CUX2: variants seen among roughly 807,000 people sequenced by gnomAD.
The protein encoded by CUX2 is cut like homeobox 2, also known as homeobox protein cut-like 2.
CUX2 carries 40 observed loss-of-function variants against 144.8 expected under a neutral mutation model. The observed-to-expected ratio is 0.28, with a 90% confidence interval of 0.21 to 0.36. The LOEUF (loss-of-function observed/expected upper bound fraction) is 0.36, where lower values mean the gene tolerates loss of function less well. Ranked by LOEUF, CUX2 falls within the 10% of genes least tolerant of loss-of-function variation. The pLI is 1.00. For missense variants in CUX2, 1,615 were observed against 1,994.0 expected, an observed-to-expected ratio of 0.81 and a Z score of 3.62; for synonymous variants, 827 against 875.6, an observed-to-expected ratio of 0.94 and a Z score of 0.98.
intron 1 of CUX2, among the ~76,000 whole-genome samples, chr12:111,187,520 C>A (rs1477759122): frequency 6.6e-6 from 1 of 152,164 alleles, no homozygotes; most frequent in African/African-American, 2.4e-5. Context: ...CATGTCCACA[C>A]CTAAACGCAT....
intron 18 of CUX2, among the ~76,000 whole-genome samples, chr12:111,332,613 A>C (rs780121201): frequency 7.0e-6 from 1 of 142,570 alleles, no homozygotes; most frequent in Non-Finnish European, 1.5e-5. Context: ...CCGTTTATTT[A>C]ACTTTTCGTT....
At chr12:111,083,334 G>T (rs914477040) in intron 1 of CUX2, among the ~76,000 whole-genome samples, 3 of 152,088 alleles carry the variant, frequency 2.0e-5, no homozygotes, top group African/African-American at 7.2e-5. Context: ...AAAGGCCAGG[G>T]ATCAGCAGGC....
intron 15 of CUX2, among the ~76,000 whole-genome samples, chr12:111,311,017 G>A (rs998175848): frequency 1.3e-5 from 2 of 152,216 alleles, no homozygotes; most frequent in Non-Finnish European, 2.9e-5. Context: ...TTGTAAGACC[G>A]CCAACCTTAC....
chr12:111,320,214 C>A lies in CUX2; in HGVS notation c.2205C>A (p.Thr735=). Residue 735 remains threonine (T), a synonymous_variant, in exon 17 of 22, where the codon ACC becomes ACA. Coordinates refer to ENST00000261726, the MANE Select transcript of CUX2 (RefSeq NM_015267.4). This position sits in a 1 kb window ranked among gnomAD's most constrained non-coding sequence, Gnocchi z 8.1. ...CCCCGGAGCGGCCATCACTGGCCAC[C>A]GCGAGCCAGAACGGGGCCCCGGCCT... ...PSPPERPSLA[T]ASQNGAPALV... 6.5e-7 allele frequency: 1 copy of A among 1,549,894 alleles called. No homozygotes were observed. Among genetic ancestry groups the A allele is most frequent in the Non-Finnish European group, 8.7e-7 (1 of 1,155,776 alleles).
At chr12:111,143,188 A>AGG (rs1448409421) in intron 1 of CUX2, among the ~76,000 whole-genome samples, 1 of 152,134 alleles carries the variant, frequency 6.6e-6, no homozygotes, top group South Asian at 2.1e-4. Context: ...AACCAGCAAC[A>AGG]GGGGGGCCAC....
chr12:111,038,088 C>T (rs542973389), intron 1 of CUX2, among the ~76,000 whole-genome samples: 9 of 152,216 alleles, frequency 5.9e-5, no homozygotes, highest in Non-Finnish European at 1.2e-4. Context: ...ACTCAATCTC[C>T]TGGCGCAGGA....
At chr12:111,144,327 G>A (rs1459744901) in intron 1 of CUX2, among the ~76,000 whole-genome samples, 1 of 152,138 alleles carries the variant, frequency 6.6e-6, no homozygotes, top group Non-Finnish European at 1.5e-5. Context: ...AGACACCCAC[G>A]CTGCCTTTTC....
intron 1 of CUX2, among the ~76,000 whole-genome samples, chr12:111,074,206 C>T (rs1592866570): frequency 6.6e-6 from 1 of 151,978 alleles, no homozygotes; most frequent in East Asian, 1.9e-4. Context: ...TGAATCTTTG[C>T]ATACAAACCA....
rs1291235661 is a variant in CUX2 at position 111,037,497 on chromosome 12, CT to C, written c.63+3260del. 6.6e-6 allele frequency among the ~76,000 whole-genome samples: 1 copy of C among 152,238 alleles called. No individual in the cohort carries two copies. Among genetic ancestry groups the C allele is most frequent in the Non-Finnish European group, 1.5e-5 (1 of 68,046 alleles). Reference sequence around the variant, plus strand: ...GGAAGTCAGTCAACAACCTTAATGACTTTGGGCCGATGGTAAAGGTGATCTG... The same window carrying C: ...GGAAGTCAGTCAACAACCTTAATGACTTGGGCCGATGGTAAAGGTGATCTG... On this transcript the variant is annotated intron_variant, in intron 1 of 21. Coordinates refer to ENST00000261726, the MANE Select transcript of CUX2 (RefSeq NM_015267.4). This position sits in a 1 kb window ranked among gnomAD's most constrained non-coding sequence, Gnocchi z 5.4.
intron 16 of CUX2, among the ~76,000 whole-genome samples, chr12:111,318,360 G>A (rs1887308817): frequency 6.7e-6 from 1 of 149,946 alleles, no homozygotes; most frequent in Admixed American, 6.7e-5. Context: ...AAAGTGCTGG[G>A]ATTATAAGCA....
chr12:111,250,041 C>T (rs1036165734), intron 3 of CUX2, among the ~76,000 whole-genome samples: 6 of 152,116 alleles, frequency 3.9e-5, no homozygotes, highest in African/African-American at 7.2e-5. Context: ...TCACATAGGA[C>T]GGTGTCACTG....
Position 111,334,792 on chromosome 12 carries a change from G to T in CUX2, c.3196+82G>T. ...GCCTTGAAAAGGTGTCTGGAGCTGG[G>T]ACCCAGTGGCTCATACCTGTAATTC... On this transcript the variant is annotated intron_variant, in intron 19 of 21. Coordinates refer to ENST00000261726, the MANE Select transcript of CUX2 (RefSeq NM_015267.4). 2.1e-6 allele frequency: 3 copies of T among 1,441,306 alleles called. 1 individual carries two copies. In the South Asian group the frequency reaches 4.1e-5, roughly 20 times the overall value. 89.3% of individuals were successfully genotyped at this position (1,441,306 alleles called of 1,614,324 possible).
At chr12:111,245,206 G>A (rs1883221565) in intron 3 of CUX2, among the ~76,000 whole-genome samples, 3 of 152,018 alleles carry the variant, frequency 2.0e-5, no homozygotes, top group Admixed American at 2.0e-4. Context: ...GGTATGGCAG[G>A]AGGTGAGAAG....
intron 1 of CUX2, among the ~76,000 whole-genome samples, chr12:111,081,427 A>C (rs995907843): frequency 1.3e-5 from 2 of 152,252 alleles, no homozygotes; most frequent in East Asian, 3.9e-4. Flanking sequence ...CATGTGGTGT[A>C]GTTTCTGTAA....
Position 111,334,714 on chromosome 12 carries a change from C to G in CUX2, c.3196+4C>G. On this transcript the variant is annotated splice_donor_region_variant and intron_variant, in intron 19 of 21. Transcript: ENST00000261726. ...GTCCTCACAGACAACAATCTAGGTA[C>G]GGAGCGGGTGGGAATCGGAGAGGCT... 6.3e-7 allele frequency: 1 copy of G among 1,596,364 alleles called. No individual in the cohort carries two copies. Among genetic ancestry groups the G allele is most frequent in the Non-Finnish European group, 8.5e-7 (1 of 1,169,728 alleles).
intron 18 of CUX2, among the ~76,000 whole-genome samples, chr12:111,329,344 C>G (rs1887985433): frequency 6.6e-6 from 1 of 151,884 alleles, no homozygotes; most frequent in African/African-American, 2.4e-5. Context: ...TCCAAATAAC[C>G]CAGTTGTTCA....
At chr12:111,045,936 C>T (rs544302016) in intron 1 of CUX2, among the ~76,000 whole-genome samples, 8 of 152,300 alleles carry the variant, frequency 5.3e-5, no homozygotes, top group Admixed American at 1.3e-4. Flanking sequence ...TTATTGCCAT[C>T]GTTGTTTGTC....
At chr12:111,110,064 G>C (rs1439755863) in intron 1 of CUX2, among the ~76,000 whole-genome samples, 1 of 144,574 alleles carries the variant, frequency 6.9e-6, no homozygotes, top group Non-Finnish European at 1.5e-5. Flanking sequence ...TTTTTTTTAA[G>C]TAGAGACGAG....
chr12:111,250,596 T>G (rs1441772757), intron 3 of CUX2, among the ~76,000 whole-genome samples: 2 of 152,208 alleles, frequency 1.3e-5, no homozygotes, highest in Admixed American at 1.3e-4. Context: ...AGGCTGAGCC[T>G]TGGGAAGACA....
Sources: gnomAD v4.1 joint callset for allele counts (sites outside exome capture counted in the v4.1 genomes callset) on GRCh38, gnomAD v4.1.1 for gene constraint, Gnocchi (gnomAD v3.1) non-coding constraint, MANE v1.5 for transcripts, NCBI Gene and HGNC (gene_info 2026-07-23, HGNC 2026-07-21) for gene names.